COX6B1: variants seen among roughly 807,000 people sequenced by gnomAD.
The protein encoded by COX6B1 is COX VIb-1.
COX6B1 carries 2 observed loss-of-function variants against 14.0 expected under a neutral mutation model. That is an observed-to-expected ratio of 0.14 (90% confidence interval 0.06 to 0.45). The LOEUF (loss-of-function observed/expected upper bound fraction) is 0.45, where lower values mean the gene tolerates loss of function less well. COX6B1 is among the 20% of genes least tolerant of loss of function. The probability of loss-of-function intolerance (pLI) is 0.98; values close to 1 mark genes in which losing one functional copy is unlikely to be tolerated. For synonymous variants in COX6B1, 30 were observed against 39.7 expected, an observed-to-expected ratio of 0.76 and a Z score of 0.92; for missense variants, 81 against 114.2, an observed-to-expected ratio of 0.71 and a Z score of 1.33.
intron 2 of COX6B1, among the ~76,000 whole-genome samples, chr19:35,653,208 C>T (rs1192174487): frequency 3.3e-5 from 5 of 150,038 alleles, no homozygotes; most frequent in East Asian, 2.0e-4. Flanking sequence ...CTCCTGACCT[C>T]GTGATCCACC....
At chr19:35,648,902 C>A (rs1160709204) in intron 1 of COX6B1, 1 of 533,462 alleles carries the variant, frequency 1.9e-6, no homozygotes, top group Admixed American at 1.9e-5. Context: ...GGGTAGAGAT[C>A]TCGCCGGTAA....
intron 1 of COX6B1, among the ~76,000 whole-genome samples, chr19:35,649,532 A>T (rs1368213175): frequency 6.0e-5 from 9 of 150,312 alleles, no homozygotes; most frequent in African/African-American, 2.2e-4. Flanking sequence ...AGGCTGGAGT[A>T]CAATGGCACA....
chr19:35,648,659 C>T, intron 1 of COX6B1: 1 of 360,052 alleles, frequency 2.8e-6, no homozygotes. Context: ...CGATTATCCC[C>T]TTTTGTCAGT....
chr19:35,652,285 C>T (rs916021696), intron 2 of COX6B1, among the ~76,000 whole-genome samples: 5 of 151,938 alleles, frequency 3.3e-5, no homozygotes, highest in African/African-American at 1.2e-4. Flanking sequence ...CCCGCCTCGG[C>T]CTCCCAAAAT....
rs75037817 is a variant in COX6B1, at chr19:35,657,296, C to T, written c.208-1298C>T. Among the ~76,000 whole-genome samples, 18 of 151,892 alleles carry T rather than the reference C, an allele frequency of 1.2e-4. No individual in the cohort carries two copies. The East Asian group carries it at 1.9e-3, about 16-fold the overall frequency. On this transcript the variant is annotated intron_variant, in intron 3 of 3. Coordinates refer to ENST00000649813, the MANE Select transcript of COX6B1 (RefSeq NM_001863.5). ...TCATGCAGCCTAGATCCCTCACATG[C>T]GCAGTTCACAATAGGGTTCGCACTC...
At chr19:35,649,442 GA>G (rs1286466861) in intron 1 of COX6B1, among the ~76,000 whole-genome samples, 1 of 151,284 alleles carries the variant, frequency 6.6e-6, no homozygotes, top group Non-Finnish European at 1.5e-5. Flanking sequence ...CAGTAGCTGG[GA>G]CCACAGGCAC....
chr19:35,658,767 C>G lies in COX6B1; in HGVS notation c.*120C>G. 1 of 935,726 alleles carries G rather than the reference C, an allele frequency of 1.1e-6. No individual in the cohort carries two copies. Among genetic ancestry groups the G allele is most frequent in the Non-Finnish European group, 1.7e-6 (1 of 585,170 alleles). 58.0% of individuals were successfully genotyped at this position (935,726 alleles called of 1,614,324 possible). A position where few individuals can be genotyped will look rare whatever the true frequency, so the allele number is the denominator to read the frequency against. On this transcript the variant is annotated 3_prime_UTR_variant, in exon 4 of 4. Transcript: ENST00000649813. ...ATCATGACTTACCTGCTAATAAAAA[C>G]TCATTGGAAAAGTGAGACTATGCGT...
At chr19:35,651,889 GTA>G (rs1341537527) in intron 2 of COX6B1, among the ~76,000 whole-genome samples, 1 of 151,098 alleles carries the variant, frequency 6.6e-6, no homozygotes, top group East Asian at 2.0e-4. Flanking sequence ...TTTTTAAGCT[GTA>G]TGTGTGTGCG....
Position 35,658,737 on chromosome 19 carries a change from C to T in COX6B1, c.*90C>T. On this transcript the variant is annotated 3_prime_UTR_variant, in exon 4 of 4. Coordinates refer to ENST00000649813, the MANE Select transcript of COX6B1 (RefSeq NM_001863.5). Reference sequence around the variant, plus strand: ...TACCCAGTGATCCCCACCCCAGGATCCTAAATCATGACTTACCTGCTAATA... The same window carrying T: ...TACCCAGTGATCCCCACCCCAGGATTCTAAATCATGACTTACCTGCTAATA... 3 of 1,199,892 alleles carry T rather than the reference C, an allele frequency of 2.5e-6. No individual in the cohort carries two copies. Among genetic ancestry groups the T allele is most frequent in the South Asian group, 2.4e-5 (2 of 82,092 alleles). The allele number at this position is 1,199,892 out of a possible 1,614,324, so 74.3% of individuals were successfully genotyped here.
At position 35,654,619 on chromosome 19, in the gene COX6B1, CTG is replaced by C. The variant is rs1568343176; in HGVS notation, c.160_161del (p.Cys54ArgfsTer21). ...ATGACCGCTAAAGGAGGCGATATCT[CTG>C]TGTGCGAATGGTACCAGCGTGTGTA... is the stretch of plus-strand genomic sequence containing the variant. On this transcript the variant is annotated frameshift_variant, in exon 3 of 4. Transcript: ENST00000649813. LOFTEE classifies it high-confidence loss of function. The C allele has an allele frequency of 6.2e-7, 1 of 1,614,186 alleles. No individual in the cohort carries two copies.
intron 2 of COX6B1, among the ~76,000 whole-genome samples, chr19:35,654,052 G>T (rs1599622282): frequency 6.6e-6 from 1 of 152,162 alleles, no homozygotes; most frequent in Non-Finnish European, 1.5e-5. Flanking sequence ...CATACTGTGT[G>T]TATTCTTTTG....
chr19:35,656,831 AG>A (rs1967893927), intron 3 of COX6B1, among the ~76,000 whole-genome samples: 1 of 152,182 alleles, frequency 6.6e-6, no homozygotes, highest in Non-Finnish European at 1.5e-5. Context: ...CAACCGTATG[AG>A]GTAGGTACTA....
In COX6B1 at chr19:35,648,985, T is replaced by G. The variant is rs1967792177; in HGVS notation, c.-12+582T>G. Reference sequence around the variant, plus strand: ...CCACTTCCCCACCGAAAGACTGTTTTAGTGCTCCAGACCCCCACCACCACC... The same window carrying G: ...CCACTTCCCCACCGAAAGACTGTTTGAGTGCTCCAGACCCCCACCACCACC... On this transcript the variant is annotated intron_variant, in intron 1 of 3. Coordinates refer to ENST00000649813, the MANE Select transcript of COX6B1 (RefSeq NM_001863.5). The G allele has an allele frequency of 9.5e-6, 5 of 526,788 alleles. No homozygotes were observed. The East Asian group carries it at 2.2e-4, about 23-fold the overall frequency. 32.6% of individuals were successfully genotyped at this position (526,788 alleles called of 1,614,324 possible). A position where few individuals can be genotyped will look rare whatever the true frequency, so the allele number is the denominator to read the frequency against.
At chr19:35,653,359 G>A (rs550773333) in intron 2 of COX6B1, among the ~76,000 whole-genome samples, 2 of 150,916 alleles carry the variant, frequency 1.3e-5, no homozygotes, top group East Asian at 2.0e-4. Flanking sequence ...TGCAACCTCC[G>A]CCTCCCGGGT....
chr19:35,655,339 A>G (rs1369021955), intron 3 of COX6B1, among the ~76,000 whole-genome samples: 3 of 152,074 alleles, frequency 2.0e-5, no homozygotes, highest in African/African-American at 7.2e-5. Context: ...TATTATGAAC[A>G]TTTTCAAAGC....
chr19:35,658,564 T>G (rs751234700), intron 3 of COX6B1, 30 bp from the exon 4 acceptor site: 1 of 1,602,234 alleles, frequency 6.2e-7, no homozygotes, highest in East Asian at 2.2e-5. Flanking sequence ...GTTTCCCCAC[T>G]GCGGAGGGAA....
At chr19:35,652,052 G>A (rs1967830107) in intron 2 of COX6B1, among the ~76,000 whole-genome samples, 2 of 144,512 alleles carry the variant, frequency 1.4e-5, no homozygotes, top group South Asian at 2.2e-4. Flanking sequence ...TTTTTGAGAT[G>A]GAGTTTTGCT....
At chr19:35,652,468 G>A (rs763744690) in intron 2 of COX6B1, among the ~76,000 whole-genome samples, 10 of 151,702 alleles carry the variant, frequency 6.6e-5, no homozygotes, top group South Asian at 2.1e-4. Flanking sequence ...TTTTGTTTTC[G>A]TTGCCCAGGC....
chr19:35,652,219 C>T (rs1439465883), intron 2 of COX6B1, among the ~76,000 whole-genome samples: 7 of 150,006 alleles, frequency 4.7e-5, no homozygotes, highest in East Asian at 4.1e-4. Context: ...TTAGTAGAGA[C>T]GGGGTTTCTC....
Sources: allele counts gnomAD v4.1 joint callset (sites outside exome capture counted in the v4.1 genomes callset), GRCh38; gene constraint gnomAD v4.1.1; transcripts MANE v1.5; gene names NCBI Gene and HGNC (gene_info 2026-07-23, HGNC 2026-07-21).